The following CADM2 variants were observed in gnomAD, a reference collection of about 807,000 sequenced individuals.
CADM2 encodes immunoglobulin superfamily member 4D.
In CADM2, 12 loss-of-function variants were observed where a neutral mutation model predicts 49.8. That is an observed-to-expected ratio of 0.24 (90% CI 0.15 to 0.39). The LOEUF is 0.39. CADM2 is among the 10% of genes least tolerant of loss of function. CADM2 has a pLI of 1.00. For missense variants in CADM2, 378 were observed against 492.3 expected, an observed-to-expected ratio of 0.77 and a Z score of 2.20; for synonymous variants, 214 against 175.4, an observed-to-expected ratio of 1.22 and a Z score of -1.74.
chr3:85,708,445 G>A (rs888012567), intron 1 of CADM2, among the ~76,000 whole-genome samples: 13 of 151,970 alleles, frequency 8.6e-5, no homozygotes, highest in African/African-American at 1.9e-4. Context: ...TCAACAAGCC[G>A]CAGTCTTTAG....
At chr3:85,992,257 T>G (rs1728868462) in intron 8 of CADM2, 1 of 152,156 alleles carries the variant, frequency 6.6e-6, no homozygotes, top group Non-Finnish European at 1.5e-5. Flanking sequence ...GAAATATTTT[T>G]ATTTTGCATG....
At chr3:86,041,622 C>T (rs183368283) in intron 8 of CADM2, among the ~76,000 whole-genome samples, 7 of 152,228 alleles carry the variant, frequency 4.6e-5, no homozygotes, top group Admixed American at 4.6e-4. Context: ...GACTCCCACA[C>T]AATAATAATG....
At chr3:86,029,681 A>T (rs977686440) in intron 8 of CADM2, among the ~76,000 whole-genome samples, 2 of 152,006 alleles carry the variant, frequency 1.3e-5, no homozygotes, top group Non-Finnish European at 2.9e-5. Flanking sequence ...CTAATAACAG[A>T]CTTTAAATTT....
intron 1 of CADM2, among the ~76,000 whole-genome samples, chr3:85,647,531 A>G (rs952637930): frequency 7.2e-5 from 11 of 151,792 alleles, no homozygotes; most frequent in African/African-American, 2.4e-4. Context: ...AATCTGTTTT[A>G]GAGACTTGTG....
intron 1 of CADM2, among the ~76,000 whole-genome samples, chr3:85,129,094 A>T (rs747016822): frequency 6.6e-6 from 1 of 152,126 alleles, no homozygotes; most frequent in Non-Finnish European, 1.5e-5. Context: ...TATGTATTGC[A>T]GTCGTGGCAC....
At chr3:85,511,393 A>G (rs80211209) in intron 1 of CADM2, among the ~76,000 whole-genome samples, 1,995 of 152,180 alleles carry the variant, frequency 0.013, 106 homozygotes, top group South Asian at 0.092. Flanking sequence ...TGTTATTTCC[A>G]CTGCATTGTT....
At chr3:84,982,146 T>C (rs1183815428) in intron 1 of CADM2, among the ~76,000 whole-genome samples, 3 of 152,190 alleles carry the variant, frequency 2.0e-5, no homozygotes, top group African/African-American at 7.2e-5. Context: ...GTGGATTTGT[T>C]TGACCTTCTG....
At chr3:85,018,456 C>G (rs747972224) in intron 1 of CADM2, among the ~76,000 whole-genome samples, 14 of 152,170 alleles carry the variant, frequency 9.2e-5, no homozygotes, top group Non-Finnish European at 1.8e-4. Context: ...TGGCTCACCG[C>G]AACCTCTGTC....
At position 85,903,752 on chromosome 3, in the gene CADM2, T is replaced by C. The variant is rs190169825; in HGVS notation, c.530-8621T>C. Among the ~76,000 whole-genome samples the C allele has an allele frequency of 2.5e-3, 381 of 152,310 alleles. 1 individual carries two copies. The highest frequency in any genetic ancestry group is 8.9e-3 in the African/African-American group (369 of 41,564). On this transcript the variant is annotated intron_variant, in intron 5 of 9. Transcript: ENST00000383699. ...GAATGTCTTTCTTTCCTGTTGTCTCTGTTAAGCTCTCTGCTTACGTTAGTA... is the reference window on the plus strand; with the variant it reads ...GAATGTCTTTCTTTCCTGTTGTCTCCGTTAAGCTCTCTGCTTACGTTAGTA...
intron 1 of CADM2, among the ~76,000 whole-genome samples, chr3:85,238,300 T>C (rs2042454547): frequency 6.6e-6 from 1 of 152,030 alleles, no homozygotes. Context: ...CATATTAAAC[T>C]AATAATTTCT....
At chr3:85,377,861 C>G (rs973371161) in intron 1 of CADM2, among the ~76,000 whole-genome samples, 18 of 151,876 alleles carry the variant, frequency 1.2e-4, no homozygotes, top group Admixed American at 1.3e-4. Context: ...GGGAGCGATG[C>G]GAATTACCAT....
At chr3:85,299,700 T>C (rs1415884828) in intron 1 of CADM2, among the ~76,000 whole-genome samples, 1 of 152,002 alleles carries the variant, frequency 6.6e-6, no homozygotes, top group Non-Finnish European at 1.5e-5. Flanking sequence ...GGGCTTTCAA[T>C]GCAAAGCCAA....
intron 1 of CADM2, among the ~76,000 whole-genome samples, chr3:85,702,109 A>G (rs544327859): frequency 6.6e-6 from 1 of 152,302 alleles, no homozygotes; most frequent in African/African-American, 2.4e-5. Context: ...TGTAGGTAGC[A>G]TAGGGCTGTG....
At chr3:84,969,418 T>G (rs1160652802) in intron 1 of CADM2, among the ~76,000 whole-genome samples, 1 of 151,910 alleles carries the variant, frequency 6.6e-6, no homozygotes, top group Admixed American at 6.6e-5. Flanking sequence ...ATGAGAGAAC[T>G]GAGCATTTGA....
chr3:86,048,802 G>A (rs889912544), intron 8 of CADM2, among the ~76,000 whole-genome samples: 1 of 151,992 alleles, frequency 6.6e-6, no homozygotes, highest in Non-Finnish European at 1.5e-5. Flanking sequence ...GTATTCTGCT[G>A]GATGCCCTAC....
At chr3:85,899,525 G>T (rs1010737226) in intron 5 of CADM2, among the ~76,000 whole-genome samples, 23 of 151,616 alleles carry the variant, frequency 1.5e-4, no homozygotes, top group African/African-American at 5.1e-4. Flanking sequence ...ATGAATTATG[G>T]TTTTTTTATT....
intron 1 of CADM2, among the ~76,000 whole-genome samples, chr3:85,102,335 C>T (rs889397514): frequency 1.3e-4 from 19 of 151,988 alleles, no homozygotes; most frequent in Non-Finnish European, 2.2e-4. Context: ...GCTGGGGAGA[C>T]AAAAATAATT....
chr3:85,510,155 A>T (rs924208061), intron 1 of CADM2, among the ~76,000 whole-genome samples: 1 of 152,074 alleles, frequency 6.6e-6, no homozygotes, highest in African/African-American at 2.4e-5. Context: ...AAATTGTGGT[A>T]GAAAATAATT....
At chr3:85,891,827 A>T (rs912416784) in intron 5 of CADM2, among the ~76,000 whole-genome samples, 1 of 152,232 alleles carries the variant, frequency 6.6e-6, no homozygotes. Context: ...ACCCTAACTC[A>T]GATTGAAACT....
Sources: allele counts gnomAD v4.1 joint callset (sites outside exome capture counted in the v4.1 genomes callset), GRCh38; gene constraint gnomAD v4.1.1; transcripts MANE v1.5; gene names NCBI Gene and HGNC (gene_info 2026-07-23, HGNC 2026-07-21).